The following MACROD2 variants were observed in gnomAD, a reference collection of about 807,000 sequenced individuals.
MACROD2 encodes ADP-ribose glycohydrolase MACROD2.
A neutral mutation model predicts 70.4 loss-of-function variants in MACROD2; 36 were observed. The ratio of observed to expected loss-of-function variants is 0.51; its 90% CI spans 0.39 to 0.68. MACROD2 has a LOEUF of 0.68. Ranked by LOEUF, MACROD2 falls within the 30% of genes least tolerant of loss-of-function variation. The probability of loss-of-function intolerance (pLI) is 0.00; values close to 1 mark genes in which losing one functional copy is unlikely to be tolerated. For missense variants in MACROD2, 496 were observed against 538.4 expected (o/e 0.92, Z 0.78); for synonymous variants, 172 against 178.8 (o/e 0.96, Z 0.30).
intron 10 of MACROD2, among the ~76,000 whole-genome samples, chr20:15,921,302 C>T (rs2065402146): frequency 6.6e-6 from 1 of 152,188 alleles, no homozygotes; most frequent in Admixed American, 6.5e-5. Context: ...TTGCTCCCCA[C>T]CCAGTGAAAC....
chr20:15,683,596 T>A (rs1248610082), intron 8 of MACROD2, among the ~76,000 whole-genome samples: 4 of 152,204 alleles, frequency 2.6e-5, no homozygotes, highest in Non-Finnish European at 5.9e-5. Context: ...GTTTGTTTTT[T>A]GAGACAAAGT....
At chr20:14,471,655 T>C (rs1267958865) in intron 3 of MACROD2, among the ~76,000 whole-genome samples, 1 of 152,154 alleles carries the variant, frequency 6.6e-6, no homozygotes, top group Non-Finnish European at 1.5e-5. Flanking sequence ...GTTTCATTGA[T>C]TTATGAATTC....
At chr20:15,047,614 TA>T (rs1247763219) in intron 5 of MACROD2, among the ~76,000 whole-genome samples, 4 of 152,200 alleles carry the variant, frequency 2.6e-5, no homozygotes, top group African/African-American at 4.8e-5. Flanking sequence ...TGTCAGTCAT[TA>T]AAGTTTACTA....
chr20:15,556,974 T>C (rs940499080), intron 8 of MACROD2, among the ~76,000 whole-genome samples: 3 of 152,184 alleles, frequency 2.0e-5, no homozygotes, highest in East Asian at 1.9e-4. Flanking sequence ...ATTTTACCTA[T>C]CTAGGACCCA....
rs533112011 is a variant in MACROD2 at position 15,435,774 on chromosome 20, A to G, written c.571+4339A>G. On this transcript the variant is annotated intron_variant, in intron 7 of 17. Coordinates refer to ENST00000684519, the MANE Select transcript of MACROD2 (RefSeq NM_001351661.2). ...TAGGGATTTCACCCTAGAGAGAGTA[A>G]TGTGGTTCAAAATATAATAACTGAT... is the stretch of plus-strand genomic sequence containing the variant. Among the ~76,000 whole-genome samples the G allele has an allele frequency of 1.6e-4, 24 of 152,228 alleles. 1 individual carries two copies. In the South Asian group the frequency reaches 4.6e-3, roughly 29 times the overall value.
chr20:14,742,577 C>CT (rs987811416), intron 5 of MACROD2, among the ~76,000 whole-genome samples: 88 of 143,028 alleles, frequency 6.2e-4, no homozygotes, highest in Middle Eastern at 7.1e-3. Context: ...TAAAATTTTA[C>CT]TTTTTTTTTT....
chr20:14,044,263 G>A (rs781001206), intron 2 of MACROD2, among the ~76,000 whole-genome samples: 15 of 151,890 alleles, frequency 9.9e-5, no homozygotes, highest in Non-Finnish European at 1.3e-4. Context: ...TGTTCCTCCT[G>A]GTGGGTTCGT....
At chr20:14,597,907 C>A (rs547443294) in intron 4 of MACROD2, among the ~76,000 whole-genome samples, 1 of 151,978 alleles carries the variant, frequency 6.6e-6, no homozygotes, top group Admixed American at 6.6e-5. Flanking sequence ...GTTGATTGAA[C>A]TTCTCATTAT....
chr20:15,191,457 A>G (rs1453752758), intron 5 of MACROD2, among the ~76,000 whole-genome samples: 1 of 152,106 alleles, frequency 6.6e-6, no homozygotes, highest in African/African-American at 2.4e-5. Flanking sequence ...AGGTGGGCCA[A>G]AGGGTGTGGC....
intron 3 of MACROD2, among the ~76,000 whole-genome samples, chr20:14,416,196 A>G (rs1291928416): frequency 1.3e-5 from 2 of 152,066 alleles, no homozygotes; most frequent in African/African-American, 4.8e-5. Flanking sequence ...TGACCTTGTG[A>G]TCTGCCCTCC....
At chr20:15,171,314 C>T (rs1426912833) in intron 5 of MACROD2, among the ~76,000 whole-genome samples, 1 of 151,438 alleles carries the variant, frequency 6.6e-6, no homozygotes, top group Non-Finnish European at 1.5e-5. Flanking sequence ...CCTCCTCCAC[C>T]ACTGTCTCTC....
intron 3 of MACROD2, chr20:14,127,796 A>G: frequency 2.2e-6 from 1 of 452,878 alleles, no homozygotes; most frequent in South Asian, 1.9e-5. Flanking sequence ...CAAAAGAGAA[A>G]ATTGAAGAGA....
chr20:13,996,982 G>A lies in MACROD2; in HGVS notation c.46+1173G>A, dbSNP rs182826830. Reference sequence around the variant, plus strand: ...TGCAAGTCCCGGCCTTTATGAACACGAAGGCAAAACAGTGGAGGTAAGAAA... The same window carrying A: ...TGCAAGTCCCGGCCTTTATGAACACAAAGGCAAAACAGTGGAGGTAAGAAA... On this transcript the variant is annotated intron_variant, in intron 1 of 17. Coordinates refer to ENST00000684519, the MANE Select transcript of MACROD2 (RefSeq NM_001351661.2). 4.7e-4 allele frequency among the ~76,000 whole-genome samples: 72 copies of A among 152,176 alleles called. 1 individual carries two copies. Among genetic ancestry groups the A allele is most frequent in the African/African-American group, 1.7e-3 (71 of 41,526 alleles).
chr20:15,467,787 A>G (rs1279162135), intron 7 of MACROD2, among the ~76,000 whole-genome samples: 1 of 152,232 alleles, frequency 6.6e-6, no homozygotes, highest in Non-Finnish European at 1.5e-5. Flanking sequence ...ATTTTCTGCT[A>G]CCAAGTGCCA....
intron 5 of MACROD2, among the ~76,000 whole-genome samples, chr20:15,177,331 G>A (rs1328789372): frequency 1.3e-5 from 2 of 152,240 alleles, no homozygotes; most frequent in African/African-American, 2.4e-5. Context: ...ATACGCACTG[G>A]TCCAAACAGA....
chr20:15,170,288 A>C (rs780792962), intron 5 of MACROD2, among the ~76,000 whole-genome samples: 1 of 152,230 alleles, frequency 6.6e-6, no homozygotes, highest in Non-Finnish European at 1.5e-5. Context: ...TAAGGGACTT[A>C]CTAGTGACCT....
intron 5 of MACROD2, among the ~76,000 whole-genome samples, chr20:15,181,890 C>T (rs773804789): frequency 6.6e-6 from 1 of 152,080 alleles, no homozygotes; most frequent in African/African-American, 2.4e-5. Context: ...TTATTTGCCT[C>T]CCTTGAGTTT....
intron 5 of MACROD2, among the ~76,000 whole-genome samples, chr20:14,930,662 A>T (rs6043003): frequency 0.14 from 21,832 of 150,910 alleles, 1,731 homozygotes; most frequent in South Asian, 0.19. Flanking sequence ...GTCTGGGCAC[A>T]GTGGCTCATG....
intron 3 of MACROD2, among the ~76,000 whole-genome samples, chr20:14,393,337 G>A (rs1447355766): frequency 6.6e-6 from 1 of 152,144 alleles, no homozygotes; most frequent in African/African-American, 2.4e-5. Context: ...ATAACCTAGT[G>A]TGCAAGTTCT....
Sources: allele counts gnomAD v4.1 joint callset (sites outside exome capture counted in the v4.1 genomes callset), GRCh38; gene constraint gnomAD v4.1.1; transcripts MANE v1.5; gene names NCBI Gene and HGNC (gene_info 2026-07-23, HGNC 2026-07-21).